The following CUX1 variants were observed in gnomAD, a reference collection of about 807,000 sequenced individuals.
The protein encoded by CUX1 is protein CASP.
In CUX1, 31 loss-of-function variants were observed where a neutral mutation model predicts 158.8. The ratio of observed to expected loss-of-function variants is 0.20; its 90% confidence interval spans 0.15 to 0.26. The LOEUF (loss-of-function observed/expected upper bound fraction) is 0.26. Among genes scored for constraint, CUX1 ranks in the 10% least tolerant of loss-of-function variants. The pLI is 1.00. For missense variants in CUX1, 1,589 were observed against 2,014.6 expected (o/e 0.79, Z 4.04); for synonymous variants, 879 against 862.1 (o/e 1.02, Z -0.34).
At chr7:102,051,218 C>T (rs546172234) in intron 3 of CUX1, among the ~76,000 whole-genome samples, 2 of 152,178 alleles carry the variant, frequency 1.3e-5, no homozygotes, top group Non-Finnish European at 2.9e-5. Flanking sequence ...CTTTGAATAG[C>T]CCTCCTCTCC....
At chr7:102,043,669 T>C (rs1359203792) in intron 3 of CUX1, among the ~76,000 whole-genome samples, 1 of 152,166 alleles carries the variant, frequency 6.6e-6, no homozygotes, top group African/African-American at 2.4e-5. Flanking sequence ...CTTTCTATTG[T>C]AAATAGTGCC....
At chr7:102,268,868 C>T (rs560983242) in intron 14 of CUX1, among the ~76,000 whole-genome samples, 69 of 151,830 alleles carry the variant, frequency 4.5e-4, no homozygotes, top group Admixed American at 1.6e-3. Flanking sequence ...GACAGCACCG[C>T]GCCACAAGGG....
intron 3 of CUX1, among the ~76,000 whole-genome samples, chr7:102,064,067 G>T (rs1212997907): frequency 2.6e-5 from 4 of 152,230 alleles, no homozygotes; most frequent in Admixed American, 6.5e-5. Flanking sequence ...GAGTGACTGG[G>T]TGTGGCAGGA....
Position 102,255,839 on chromosome 7 carries a change from TA to T in CUX1, c.*6798del, listed in dbSNP as rs1301130563. On this transcript the variant is annotated 3_prime_UTR_variant, in exon 24 of 24. Transcript: ENST00000292535. Reference sequence around the variant, plus strand: ...TCCTTCTTCTTTTTTATTATTTTATTATTTTTTTTGTACTTTGCTTTAAACG... The same window carrying T: ...TCCTTCTTCTTTTTTATTATTTTATTTTTTTTTTGTACTTTGCTTTAAACG... 1.1e-4 allele frequency: 110 copies of T among 982,948 alleles called. No individual in the cohort carries two copies. Among genetic ancestry groups the T allele is most frequent in the Middle Eastern group, 1.0e-3 (2 of 1,922 alleles). The allele number at this position is 982,948 out of a possible 1,614,324, so 60.9% of individuals were successfully genotyped here.
At position 102,072,584 on chromosome 7, in the gene CUX1, C is replaced by T. The variant is rs150634790; in HGVS notation, c.268+2167C>T. ...CTAATCAAAGGTACTTTCAATTTCC[C>T]ATCTGCAGGGCAGAAAAGGTGGAGG... On this transcript the variant is annotated intron_variant, in intron 4 of 23. Coordinates refer to ENST00000292535, the MANE Select transcript of CUX1 (RefSeq NM_181552.4). 5.3e-5 allele frequency among the ~76,000 whole-genome samples: 8 copies of T among 152,332 alleles called. No homozygotes were observed. In the East Asian group the frequency reaches 1.5e-3, roughly 29 times the overall value.
chr7:102,273,231 G>A (rs1161518838), intron 14 of CUX1: 23 of 1,232,106 alleles, frequency 1.9e-5, no homozygotes, highest in Non-Finnish European at 2.5e-5. Flanking sequence ...GGTGAGTTGG[G>A]AGGGAATAGC....
chr7:102,047,915 G>A (rs1823012192), intron 3 of CUX1, among the ~76,000 whole-genome samples: 1 of 152,140 alleles, frequency 6.6e-6, no homozygotes, highest in African/African-American at 2.4e-5. Context: ...TCTGAGGAGG[G>A]AGCATAGGAT....
chr7:102,282,458 G>C (rs1174554167), intron 21 of CUX1, among the ~76,000 whole-genome samples: 1 of 152,152 alleles, frequency 6.6e-6, no homozygotes, highest in Non-Finnish European at 1.5e-5. Context: ...CTGGGCTCAA[G>C]TTCTGACCCC....
chr7:102,123,619 A>C (rs1291810222), intron 8 of CUX1, among the ~76,000 whole-genome samples: 1 of 151,718 alleles, frequency 6.6e-6, no homozygotes, highest in Non-Finnish European at 1.5e-5. Context: ...AAAAAAAAAA[A>C]AAAAAAAATT....
intron 1 of CUX1, among the ~76,000 whole-genome samples, chr7:101,848,051 C>CAAAAAAAAAGAAAAAA: frequency 1.5e-5 from 1 of 65,378 alleles, no homozygotes; most frequent in Non-Finnish European, 2.7e-5. Context: ...GAGCAAGACT[C>CAAAAAAAAAGAAAAAA]AAAAAAAAAA....
chr7:102,163,333 TAAA>T (rs3216522), intron 9 of CUX1, among the ~76,000 whole-genome samples: 4 of 147,050 alleles, frequency 2.7e-5, no homozygotes, highest in African/African-American at 1.0e-4. Context: ...CAAAAAAGTT[TAAA>T]AAAAAAAAAA....
intron 3 of CUX1, among the ~76,000 whole-genome samples, chr7:102,053,687 G>T (rs1361863164): frequency 1.3e-5 from 2 of 151,794 alleles, no homozygotes; most frequent in African/African-American, 2.4e-5. Flanking sequence ...GTCAGAATAT[G>T]AGATGTTTGT....
At chr7:102,134,635 T>C (rs1301491248) in intron 8 of CUX1, among the ~76,000 whole-genome samples, 1 of 152,196 alleles carries the variant, frequency 6.6e-6, no homozygotes, top group Non-Finnish European at 1.5e-5. Context: ...TCCAGCTCTG[T>C]TGCCCAGACT....
At chr7:102,101,034 C>T (rs1829714584) in intron 5 of CUX1, among the ~76,000 whole-genome samples, 1 of 152,084 alleles carries the variant, frequency 6.6e-6, no homozygotes, top group Non-Finnish European at 1.5e-5. Flanking sequence ...AGGGGGCATC[C>T]CAGACGTCTT....
intron 1 of CUX1, among the ~76,000 whole-genome samples, chr7:101,877,602 G>A (rs1446890781): frequency 2.6e-5 from 4 of 152,266 alleles, no homozygotes; most frequent in Middle Eastern, 3.4e-3. Flanking sequence ...CAGGAGAATC[G>A]CTTGAGCCCA....
chr7:102,218,859 C>T (rs147280911), intron 20 of CUX1, among the ~76,000 whole-genome samples: 1 of 151,822 alleles, frequency 6.6e-6, no homozygotes, highest in African/African-American at 2.4e-5. Context: ...TCAAGACCAG[C>T]TTGGGCAACA....
At chr7:102,117,397 C>CAAAAAA (rs10633602) in intron 8 of CUX1, among the ~76,000 whole-genome samples, 2,361 of 46,018 alleles carry the variant, frequency 0.051, 326 homozygotes, top group African/African-American at 0.12. Flanking sequence ...GACTCCATCG[C>CAAAAAA]AAAAAAAAAA....
In CUX1 at chr7:102,239,429, G is replaced by A. The variant is rs1799930135; in HGVS notation, c.3732G>A (p.Leu1244=). ...QGASPQPQHQ[L]KKPRVVLAPE... is the part of the protein sequence containing the mutation. ...CCAGCCCCCAGCCCCAGCACCAGCT[G>A]AAGAAACCCCGGGTGGTGCTGGCTC... The change falls in exon 23 of 24, where the codon CTG becomes CTA. Residue 1244 remains leucine (L), a synonymous_variant. Transcript: ENST00000292535. The A allele has an allele frequency of 6.8e-6, 11 of 1,613,842 alleles. No homozygotes were observed. Among genetic ancestry groups the A allele is most frequent in the Non-Finnish European group, 8.5e-6 (10 of 1,179,944 alleles).
chr7:102,281,066 G>C (rs926416817), intron 20 of CUX1, among the ~76,000 whole-genome samples: 1 of 152,234 alleles, frequency 6.6e-6, no homozygotes, highest in Non-Finnish European at 1.5e-5. Context: ...GGGCTGTAGA[G>C]GGGGCATTCC....
Sources: gnomAD v4.1 joint callset for allele counts (sites outside exome capture counted in the v4.1 genomes callset) on GRCh38, gnomAD v4.1.1 for gene constraint, MANE v1.5 for transcripts, NCBI Gene and HGNC (gene_info 2026-07-23, HGNC 2026-07-21) for gene names.